SCG3: variants seen among roughly 807,000 people sequenced by gnomAD.
SCG3 encodes the protein secretogranin III, also known as secretogranin-3.
SCG3 carries 38 observed loss-of-function variants against 56.2 expected under a neutral mutation model. That is an observed-to-expected ratio of 0.68 (90% CI 0.52 to 0.89). The LOEUF is 0.89. Ranked by LOEUF, SCG3 falls within the 40% of genes least tolerant of loss-of-function variation. SCG3 has a pLI of 0.00. For synonymous variants in SCG3, 176 were observed against 184.2 expected (o/e 0.96, Z 0.36); for missense variants, 524 against 540.7 (o/e 0.97, Z 0.31).
At chr15:51,694,494 C>T (rs1180634949) in intron 7 of SCG3, among the ~76,000 whole-genome samples, 1 of 152,100 alleles carries the variant, frequency 6.6e-6, no homozygotes, top group Non-Finnish European at 1.5e-5. Context: ...GCTTACCAAC[C>T]ATATCTGCGG....
At chr15:51,683,043 A>G in intron 2 of SCG3, 36 bp from the exon 3 acceptor site, 1 of 1,576,550 alleles carries the variant, frequency 6.3e-7, no homozygotes. Context: ...TGGAGCAATG[A>G]TTTTAAACCA....
intron 7 of SCG3, chr15:51,693,584 A>G (rs1029255278): frequency 6.6e-6 from 1 of 152,216 alleles, no homozygotes; most frequent in African/African-American, 2.4e-5. Flanking sequence ...TATTGTTCAA[A>G]CAGATGCTCT....
chr15:51,704,244 C>CATACATATAT (rs751546589), intron 10 of SCG3, among the ~76,000 whole-genome samples: 2,232 of 73,354 alleles, frequency 0.03, 47 homozygotes, highest in Admixed American at 0.063. Flanking sequence ...TACATACATA[C>CATACATATAT]ATATATATAT....
chr15:51,718,534 C>G (rs2055474189), intron 11 of SCG3, among the ~76,000 whole-genome samples: 1 of 152,050 alleles, frequency 6.6e-6, no homozygotes, highest in Admixed American at 6.5e-5. Context: ...CCTTTTATAC[C>G]CACTCTCTCC....
chr15:51,697,851 C>A (rs1352309483), intron 8 of SCG3, among the ~76,000 whole-genome samples: 1 of 152,030 alleles, frequency 6.6e-6, no homozygotes, highest in African/African-American at 2.4e-5. Flanking sequence ...ACTTTTACAA[C>A]TAGAGTTTGA....
chr15:51,698,515 A>T (rs1438068500), intron 8 of SCG3, among the ~76,000 whole-genome samples: 1 of 152,344 alleles, frequency 6.6e-6, no homozygotes, highest in East Asian at 1.9e-4. Context: ...TGGCTTCCTT[A>T]TGAATTAGTG....
At chr15:51,711,656 CTGTT>C (rs1252859666) in intron 10 of SCG3, among the ~76,000 whole-genome samples, 2 of 152,114 alleles carry the variant, frequency 1.3e-5, no homozygotes, top group African/African-American at 2.4e-5. Flanking sequence ...ATTTATGTAT[CTGTT>C]TATTAGTAGA....
At position 51,683,377 on chromosome 15, in the gene SCG3, C is replaced by A; in HGVS notation, c.340C>A (p.Arg114=). 6.2e-7 allele frequency: 1 copy of A among 1,613,500 alleles called. No homozygotes were observed. Among genetic ancestry groups the A allele is most frequent in the South Asian group, 1.1e-5 (1 of 90,994 alleles). Reference sequence around the variant, plus strand: ...GGAAGATGTTGATTCAACCAAGAATCGAAAACTGATCGATGATTATGACTC... The same window carrying A: ...GGAAGATGTTGATTCAACCAAGAATAGAAAACTGATCGATGATTATGACTC... ...NVEDVDSTKN[R]KLIDDYDSTK... is the part of the protein sequence containing the mutation. The change falls in exon 4 of 12, where the codon CGA becomes AGA. Residue 114 remains arginine (R), a synonymous_variant. Transcript: ENST00000220478.
In SCG3 at chr15:51,700,807, C is replaced by G. The variant is rs112572227; in HGVS notation, c.1070-300C>G. On this transcript the variant is annotated intron_variant, in intron 9 of 11. Coordinates refer to ENST00000220478, the MANE Select transcript of SCG3 (RefSeq NM_013243.4). Reference sequence around the variant, plus strand: ...TATGCCCTCTAATGGCAAGGTGTGGCAGAATGGAAAAAATACCAAATCAGA... The same window carrying G: ...TATGCCCTCTAATGGCAAGGTGTGGGAGAATGGAAAAAATACCAAATCAGA... Among the ~76,000 whole-genome samples, 630 of 113,768 alleles carry G rather than the reference C, an allele frequency of 5.5e-3. 5 individuals carry two copies. Among genetic ancestry groups the G allele is most frequent in the African/African-American group, 0.021 (598 of 29,132 alleles). The allele number at this position is 113,768 out of a possible 152,430, so 74.6% of individuals were successfully genotyped here. A position where few individuals can be genotyped will look rare whatever the true frequency, so the allele number is the denominator to read the frequency against.
chr15:51,699,238 G>A, intron 8 of SCG3, 81 bp from the exon 9 acceptor site: 2 of 960,626 alleles, frequency 2.1e-6, no homozygotes, highest in Non-Finnish European at 3.3e-6. Context: ...GATATTTCTG[G>A]TGAGATTTAA....
rs2055195350 is a variant in SCG3 at position 51,681,698 on chromosome 15, A to T, written c.-58A>T. The T allele has an allele frequency of 1.5e-6, 2 of 1,304,968 alleles. No individual in the cohort carries two copies. Among genetic ancestry groups the T allele is most frequent in the African/African-American group, 2.9e-5 (2 of 68,728 alleles). The allele number at this position is 1,304,968 out of a possible 1,614,324, so 80.8% of individuals were successfully genotyped here. A position where few individuals can be genotyped will look rare whatever the true frequency, so the allele number is the denominator to read the frequency against. On this transcript the variant is annotated 5_prime_UTR_variant, in exon 1 of 12. Coordinates refer to ENST00000220478, the MANE Select transcript of SCG3 (RefSeq NM_013243.4). ...TTTACTCCTCCTTTTCATTCATAAC[A>T]AAAGCTACAGCTCCAGGAGCCCAGC...
chr15:51,695,627 GT>G (rs1807512082), intron 7 of SCG3: 1 of 342,632 alleles, frequency 2.9e-6, no homozygotes, highest in Non-Finnish European at 5.2e-6. Flanking sequence ...GTGTGGTGGT[GT>G]TTACCTATAG....
At chr15:51,712,709 A>T (rs2141581240) in intron 10 of SCG3, among the ~76,000 whole-genome samples, 1 of 152,304 alleles carries the variant, frequency 6.6e-6, no homozygotes, top group East Asian at 1.9e-4. Context: ...CTCATGCCAC[A>T]CTTGAGGCCC....
At chr15:51,702,457 A>T (rs2055345777) in intron 10 of SCG3, among the ~76,000 whole-genome samples, 1 of 152,020 alleles carries the variant, frequency 6.6e-6, no homozygotes, top group African/African-American at 2.4e-5. Flanking sequence ...GGGTTTCATC[A>T]AGTTGGCCAG....
intron 10 of SCG3, among the ~76,000 whole-genome samples, chr15:51,701,908 G>A (rs959217188): frequency 2.6e-5 from 4 of 152,060 alleles, no homozygotes; most frequent in African/African-American, 9.7e-5. Context: ...ACACAGGAAG[G>A]GGAACATCAC....
chr15:51,700,582 G>C (rs1009712412), intron 9 of SCG3, among the ~76,000 whole-genome samples: 2 of 152,162 alleles, frequency 1.3e-5, no homozygotes, highest in Non-Finnish European at 2.9e-5. Context: ...GAAGAAAGGA[G>C]CAGAAGGAGA....
Position 51,704,910 on chromosome 15 carries a change from C to T in SCG3, c.1207+3666C>T, listed in dbSNP as rs2055365398. On this transcript the variant is annotated intron_variant, in intron 10 of 11. Transcript: ENST00000220478. ...TTTTGAGGAACCACCATACTGTTTT[C>T]TGTAGCAGCTGCACCATTTTAAATT... Among the ~76,000 whole-genome samples the T allele has an allele frequency of 2.6e-5, 4 of 151,428 alleles. No homozygotes were observed. The South Asian group carries it at 8.4e-4, about 32-fold the overall frequency.
chr15:51,704,228 T>TATACATAC (rs71458464), intron 10 of SCG3, among the ~76,000 whole-genome samples: 50 of 103,264 alleles, frequency 4.8e-4, no homozygotes, highest in South Asian at 1.6e-3. Flanking sequence ...TATATGTGTG[T>TATACATAC]ATACATACAT....
intron 4 of SCG3, 26 bp downstream of exon 4, chr15:51,683,460 G>C: frequency 6.8e-7 from 1 of 1,478,498 alleles, no homozygotes; most frequent in Non-Finnish European, 9.3e-7. Flanking sequence ...AGAACTTTTT[G>C]TTAACGTGGA....
Sources: gnomAD v4.1 joint callset for allele counts (sites outside exome capture counted in the v4.1 genomes callset) on GRCh38, gnomAD v4.1.1 for gene constraint, MANE v1.5 for transcripts, NCBI Gene and HGNC (gene_info 2026-07-23, HGNC 2026-07-21) for gene names.